Variants in PPM1B observed in about 807,000 individuals in gnomAD.
PPM1B encodes protein phosphatase, Mg2+/Mn2+ dependent 1B.
A neutral mutation model predicts 43.0 loss-of-function variants in PPM1B; 22 were observed. That is an observed-to-expected ratio of 0.51 (90% CI 0.37 to 0.73). PPM1B has a LOEUF of 0.73. PPM1B is among the 30% of genes least tolerant of loss of function. The pLI, the probability that PPM1B is intolerant of heterozygous loss-of-function variation, is 0.00. For missense variants in PPM1B, 632 were observed against 584.2 expected, an observed-to-expected ratio of 1.08 and a Z score of -0.84; for synonymous variants, 217 against 197.9, an observed-to-expected ratio of 1.10 and a Z score of -0.81.
intron 2 of PPM1B, among the ~76,000 whole-genome samples, chr2:44,202,929 TGTAA>T (rs759644130): frequency 7.9e-5 from 12 of 152,288 alleles, no homozygotes; most frequent in Non-Finnish European, 1.3e-4. Flanking sequence ...GTCTGGAGTG[TGTAA>T]GTATTTGACT....
intron 3 of PPM1B, among the ~76,000 whole-genome samples, chr2:44,213,545 T>C (rs1263091492): frequency 1.3e-5 from 2 of 152,216 alleles, no homozygotes; most frequent in African/African-American, 4.8e-5. Flanking sequence ...ATTAAAAGTA[T>C]AAAACCAAGA....
intron 5 of PPM1B, among the ~76,000 whole-genome samples, chr2:44,226,468 C>T (rs2104258398): frequency 6.6e-6 from 1 of 152,248 alleles, no homozygotes; most frequent in African/African-American, 2.4e-5. Context: ...AGTCCACCTC[C>T]AAATTGAGTC....
chr2:44,217,201 A>G (rs1669760658), intron 3 of PPM1B, among the ~76,000 whole-genome samples: 1 of 151,956 alleles, frequency 6.6e-6, no homozygotes, highest in Admixed American at 6.6e-5. Context: ...GGAGTTTGAG[A>G]TCAGCCTGAC....
In PPM1B at chr2:44,230,766, A is replaced by G; in HGVS notation, c.*48A>G. Reference sequence around the variant, plus strand: ...TGTGATCTTTGATGGTTTTTAACCTAGGAAGTGTAATGTATGCATTTATAT... The same window carrying G: ...TGTGATCTTTGATGGTTTTTAACCTGGGAAGTGTAATGTATGCATTTATAT... On this transcript the variant is annotated 3_prime_UTR_variant, in exon 6 of 6. Coordinates refer to ENST00000282412, the MANE Select transcript of PPM1B (RefSeq NM_002706.6). 6.4e-7 allele frequency: 1 copy of G among 1,572,418 alleles called. No individual in the cohort carries two copies. Among genetic ancestry groups the G allele is most frequent in the South Asian group, 1.2e-5 (1 of 83,916 alleles).
At chr2:44,234,524 A>G (rs1045739155), downstream of PPM1B, 19 of 974,416 alleles carry the variant, frequency 1.9e-5, no homozygotes, top group South Asian at 2.4e-4. Context: ...TCTCAAAAAA[A>G]AAAAAAAAGA....
intron 1 of PPM1B, among the ~76,000 whole-genome samples, chr2:44,195,192 C>G (rs1019532787): frequency 3.4e-5 from 5 of 148,390 alleles, no homozygotes; most frequent in African/African-American, 1.2e-4. Context: ...CCCACCTGGC[C>G]TTTTCTTTCT....
At chr2:44,180,177 G>A (rs2104016790) in intron 1 of PPM1B, among the ~76,000 whole-genome samples, 1 of 152,254 alleles carries the variant, frequency 6.6e-6, no homozygotes, top group Admixed American at 6.5e-5. Context: ...TCCTTTGTAT[G>A]TATTTCTTTT....
At chr2:44,192,961 A>G (rs1366013881) in intron 1 of PPM1B, among the ~76,000 whole-genome samples, 3 of 152,040 alleles carry the variant, frequency 2.0e-5, no homozygotes, top group African/African-American at 7.2e-5. Context: ...TTCTTTATCC[A>G]TTCATTCATT....
intron 1 of PPM1B, 140 bp downstream of exon 1, chr2:44,169,414 TG>T (rs1031531054): frequency 7.9e-4 from 120 of 152,514 alleles, no homozygotes; most frequent in African/African-American, 2.8e-3. Context: ...CTGCTTTCCC[TG>T]CTGCCGCGGA....
rs1670464983 is a variant in PPM1B at position 44,231,420 on chromosome 2, A to G, written c.*702A>G. ...AATGTATGTCAACCAAGTGTTTAGA[A>G]TGAAATTATAAGTGTTTAAGTCCAA... On this transcript the variant is annotated 3_prime_UTR_variant, in exon 6 of 6. Transcript: ENST00000282412. 1.0e-6 allele frequency: 1 copy of G among 975,154 alleles called. No individual in the cohort carries two copies. The highest frequency in any genetic ancestry group is 1.2e-6 in the Non-Finnish European group (1 of 820,710). 60.4% of individuals were successfully genotyped at this position (975,154 alleles called of 1,614,324 possible). A position where few individuals can be genotyped will look rare whatever the true frequency, so the allele number is the denominator to read the frequency against.
At chr2:44,179,063 G>C (rs142937996) in intron 1 of PPM1B, among the ~76,000 whole-genome samples, 1 of 152,228 alleles carries the variant, frequency 6.6e-6, no homozygotes, top group Non-Finnish European at 1.5e-5. Context: ...TGAATCATGG[G>C]GACAGGTCTT....
At chr2:44,244,735 T>C (rs1394059937), downstream of PPM1B, among the ~76,000 whole-genome samples, 1 of 151,340 alleles carries the variant, frequency 6.6e-6, no homozygotes. Context: ...AATACAAATC[T>C]GAATAACTCT....
At chr2:44,198,773 C>T (rs892586417) in intron 1 of PPM1B, among the ~76,000 whole-genome samples, 2 of 152,170 alleles carry the variant, frequency 1.3e-5, no homozygotes, top group East Asian at 1.9e-4. Flanking sequence ...CAGTCTGCCC[C>T]ATCATGCTCT....
intron 1 of PPM1B, among the ~76,000 whole-genome samples, chr2:44,194,816 T>C (rs932619745): frequency 6.6e-6 from 1 of 152,144 alleles, no homozygotes; most frequent in African/African-American, 2.4e-5. Context: ...GGCTTCTTGC[T>C]CTGGTCCTCA....
intron 2 of PPM1B, among the ~76,000 whole-genome samples, chr2:44,202,680 G>A (rs1170190006): frequency 6.6e-6 from 1 of 152,142 alleles, no homozygotes; most frequent in Admixed American, 6.5e-5. Context: ...TATTATTTCT[G>A]ATTAAAAACC....
downstream of PPM1B, among the ~76,000 whole-genome samples, chr2:44,238,347 G>T (rs936597450): frequency 6.6e-5 from 10 of 152,028 alleles, no homozygotes; most frequent in Non-Finnish European, 1.5e-4. Context: ...TATTAAAATT[G>T]TAATTAAGAC....
chr2:44,171,858 A>T (rs1667364589), intron 1 of PPM1B, among the ~76,000 whole-genome samples: 1 of 149,638 alleles, frequency 6.7e-6, no homozygotes, highest in Non-Finnish European at 1.5e-5. Flanking sequence ...AAAAAGCTGT[A>T]TTTCATGAAT....
rs1015843223 is a variant in PPM1B, at chr2:44,226,982, G to T, written c.1135-3431G>T. Among the ~76,000 whole-genome samples, 22 of 147,102 alleles carry T rather than the reference G, an allele frequency of 1.5e-4. No individual in the cohort carries two copies. In the South Asian group the frequency reaches 3.9e-3, roughly 26 times the overall value. ...TTTATTTATTTATTTATGAATGAATGAATGAATGAATGACAGGGTCTTCCT... is the reference window on the plus strand; with the variant it reads ...TTTATTTATTTATTTATGAATGAATTAATGAATGAATGACAGGGTCTTCCT... On this transcript the variant is annotated intron_variant, in intron 5 of 5. Transcript: ENST00000282412.
chr2:44,191,594 TCATGGTGATA>T (rs921702899), intron 1 of PPM1B, among the ~76,000 whole-genome samples: 112 of 152,340 alleles, frequency 7.4e-4, no homozygotes, highest in African/African-American at 2.4e-3. Flanking sequence ...TTTGATTTAC[TCATGGTGATA>T]CAAGTTAATG....
Sources: allele counts gnomAD v4.1 joint callset (sites outside exome capture counted in the v4.1 genomes callset), GRCh38; gene constraint gnomAD v4.1.1; transcripts MANE v1.5; gene names NCBI Gene and HGNC (gene_info 2026-07-23, HGNC 2026-07-21).